Variants in CD200R1 observed in about 807,000 individuals in gnomAD.
CD200R1 encodes CD200 receptor 1, also known as cell surface glycoprotein CD200 receptor 1.
In CD200R1, 30 loss-of-function variants were observed where a neutral mutation model predicts 38.1. The observed-to-expected ratio is 0.79, with a 90% CI of 0.59 to 1.07. The LOEUF (loss-of-function observed/expected upper bound fraction) is 1.07, where lower values mean the gene tolerates loss of function less well. Among genes scored for constraint, CD200R1 ranks in the 50% least tolerant of loss-of-function variants. The pLI is 0.00. For missense variants in CD200R1, 372 were observed against 415.4 expected, an observed-to-expected ratio of 0.90 and a Z score of 0.91; for synonymous variants, 128 against 152.1, an observed-to-expected ratio of 0.84 and a Z score of 1.16.
At chr3:112,951,646 A>T (rs1940970701) in intron 1 of CD200R1, among the ~76,000 whole-genome samples, 1 of 151,836 alleles carries the variant, frequency 6.6e-6, no homozygotes, top group Non-Finnish European at 1.5e-5. Flanking sequence ...CAGTTTGAGG[A>T]AGTTTTCTTC....
At chr3:112,937,344 T>C (rs1056283153) in intron 2 of CD200R1, among the ~76,000 whole-genome samples, 6 of 152,052 alleles carry the variant, frequency 3.9e-5, no homozygotes, top group Non-Finnish European at 7.4e-5. Context: ...CATTTCAAGA[T>C]GAGATTTGGG....
intron 2 of CD200R1, among the ~76,000 whole-genome samples, chr3:112,946,373 AC>A (rs1940860176): frequency 1.3e-5 from 2 of 152,142 alleles, no homozygotes; most frequent in African/African-American, 4.8e-5. Flanking sequence ...CAGATTTGAA[AC>A]CCATGGATAC....
intron 1 of CD200R1, among the ~76,000 whole-genome samples, chr3:112,963,843 G>A (rs867580154): frequency 1.2e-4 from 18 of 152,302 alleles, no homozygotes; most frequent in African/African-American, 4.3e-4. Context: ...CTTCACAGCA[G>A]CCCCTCCCAT....
chr3:112,948,315 G>GA (rs1940907866), intron 1 of CD200R1, among the ~76,000 whole-genome samples: 1 of 152,160 alleles, frequency 6.6e-6, no homozygotes, highest in Admixed American at 6.5e-5. Flanking sequence ...GGAATAAAAG[G>GA]ATTTTCCTAA....
intron 2 of CD200R1, among the ~76,000 whole-genome samples, chr3:112,936,935 GT>G (rs1232087437): frequency 6.6e-6 from 1 of 152,162 alleles, no homozygotes; most frequent in African/African-American, 2.4e-5. Flanking sequence ...GGTTTTTAGA[GT>G]TTGGGGTTTT....
chr3:112,928,338 C>G (rs558579784), intron 5 of CD200R1, among the ~76,000 whole-genome samples: 1 of 152,030 alleles, frequency 6.6e-6, no homozygotes, highest in African/African-American at 2.4e-5. Flanking sequence ...AGGATGAGAG[C>G]AGAGAGTAAA....
chr3:112,973,680 T>C (rs1205751535), intron 1 of CD200R1, among the ~76,000 whole-genome samples: 1 of 152,222 alleles, frequency 6.6e-6, no homozygotes, highest in Non-Finnish European at 1.5e-5. Flanking sequence ...AAGAAGATTT[T>C]TTGTGGAAGA....
chr3:112,950,910 A>C (rs551637404), intron 1 of CD200R1, among the ~76,000 whole-genome samples: 1 of 152,340 alleles, frequency 6.6e-6, no homozygotes, highest in African/African-American at 2.4e-5. Context: ...AGCAGCTAAC[A>C]CAGTGGTTTT....
In CD200R1 at chr3:112,961,181, C is replaced by T. The variant is rs377394967; in HGVS notation, c.68-13257G>A. ...CTTTCATTTATTACCCCTGGAATCT[C>T]GCAGGGGTTACTTTCTAAACCCTAG... On this transcript the variant is annotated intron_variant, in intron 1 of 7. Coordinates refer to ENST00000308611, the MANE Select transcript of CD200R1 (RefSeq NM_138806.4). 1.3e-3 allele frequency among the ~76,000 whole-genome samples: 204 copies of T among 152,132 alleles called. 4 individuals carry two copies. The South Asian group carries it at 0.033, about 25-fold the overall frequency.
chr3:112,935,124 A>G (rs1604247), intron 2 of CD200R1, among the ~76,000 whole-genome samples: 3,262 of 152,352 alleles, frequency 0.021, 40 homozygotes, highest in South Asian at 0.047. Context: ...AGGGAGAGAT[A>G]AACCTCAAAG....
At chr3:112,955,965 G>T (rs1941089606) in intron 1 of CD200R1, among the ~76,000 whole-genome samples, 1 of 151,868 alleles carries the variant, frequency 6.6e-6, no homozygotes, top group South Asian at 2.1e-4. Context: ...TTGACAGTTT[G>T]ATTATAATAT....
At chr3:112,948,178 T>C (rs1664976311) in intron 1 of CD200R1, among the ~76,000 whole-genome samples, 1 of 152,196 alleles carries the variant, frequency 6.6e-6, no homozygotes, top group African/African-American at 2.4e-5. Context: ...TCTTGCTTTA[T>C]ATTCAAGTCT....
In CD200R1 at chr3:112,925,213, T is replaced by C; in HGVS notation, c.770-20A>G. 1.7e-6 allele frequency: 2 copies of C among 1,163,420 alleles called. No individual in the cohort carries two copies. Among genetic ancestry groups the C allele is most frequent in the Non-Finnish European group, 2.6e-6 (2 of 776,086 alleles). The allele number at this position is 1,163,420 out of a possible 1,614,324, so 72.1% of individuals were successfully genotyped here. On this transcript the variant is annotated intron_variant, in intron 5 of 7. Transcript: ENST00000308611. ...CTGGAACTATAGACACAAAAATATA[T>C]GGTTCAAATGTGGTACAATCCAAAT...
At position 112,947,871 on chromosome 3, in the gene CD200R1, C is replaced by G. The variant is rs57657464; in HGVS notation, c.121G>C (p.Glu41Gln). 1.9e-6 allele frequency: 3 copies of G among 1,611,360 alleles called. No homozygotes were observed. The highest frequency in any genetic ancestry group is 2.5e-6 in the Non-Finnish European group (3 of 1,177,502). Residue 41 changes from glutamate to glutamine, a missense_variant, in exon 2 of 8, where the codon GAG becomes CAG. Coordinates refer to ENST00000308611, the MANE Select transcript of CD200R1 (RefSeq NM_138806.4). ...TGCACATTACCTAAAGCATGATTCT[C>G]CTTGCTAGTTTGCAGCATTAATGAG... ...NNSLMLQTSK[E>Q]NHALASSSLC... is the part of the protein sequence containing the mutation.
At chr3:112,946,032 C>CAAAAAA (rs1208921538) in intron 2 of CD200R1, among the ~76,000 whole-genome samples, 3 of 71,802 alleles carry the variant, frequency 4.2e-5, no homozygotes, top group East Asian at 4.2e-4. Flanking sequence ...GACTCCGTCT[C>CAAAAAA]AAAAAAAAAA....
At chr3:112,937,881 T>C (rs1940624597) in intron 2 of CD200R1, among the ~76,000 whole-genome samples, 2 of 152,168 alleles carry the variant, frequency 1.3e-5, no homozygotes, top group Admixed American at 1.3e-4. Flanking sequence ...CAGCAGTTTA[T>C]AGTTTTTCTT....
intron 2 of CD200R1, among the ~76,000 whole-genome samples, chr3:112,936,905 T>A (rs1050125625): frequency 1.3e-5 from 2 of 152,202 alleles, no homozygotes; most frequent in Non-Finnish European, 2.9e-5. Flanking sequence ...CTGAATGATA[T>A]TGTCTTGATT....
rs1252082266 is a variant in CD200R1, at chr3:112,974,788, T to C, written c.67+3A>G. Reference sequence around the variant, plus strand: ...TGTTCTCCCAAAGAGAATTCAAACTTACCGGCCACTAAGAAGATAGTCAAA... The same window carrying C: ...TGTTCTCCCAAAGAGAATTCAAACTCACCGGCCACTAAGAAGATAGTCAAA... On this transcript the variant is annotated splice_donor_region_variant and intron_variant, in intron 1 of 7. Coordinates refer to ENST00000308611, the MANE Select transcript of CD200R1 (RefSeq NM_138806.4). The C allele has an allele frequency of 6.3e-7, 1 of 1,599,344 alleles. No homozygotes were observed. The highest frequency in any genetic ancestry group is 1.7e-5 in the Admixed American group (1 of 59,896).
rs141776280 is a variant in CD200R1 at position 112,929,422 on chromosome 3, T to C, written c.288A>G (p.Thr96=). The C allele has an allele frequency of 1.0e-4, 168 of 1,613,808 alleles. 1 individual carries two copies. The African/African-American group carries it at 2.1e-3, about 20-fold the overall frequency. Residue 96 remains threonine, a synonymous_variant, in exon 4 of 8, where the codon ACA becomes ACG. Transcript: ENST00000308611. ...GCTGGCCTCTCAGGATTATTTCCCA[T>C]GTTATTATGATCAAATTTCTTAATG... ...PIALRNLIII[T]WEIILRGQPS... is the part of the protein sequence containing the mutation.
Sources: allele counts gnomAD v4.1 joint callset (sites outside exome capture counted in the v4.1 genomes callset), GRCh38; gene constraint gnomAD v4.1.1; transcripts MANE v1.5; gene names NCBI Gene and HGNC (gene_info 2026-07-23, HGNC 2026-07-21).